LRP5: variants seen among roughly 807,000 people sequenced by gnomAD.
The protein encoded by LRP5 is low-density lipoprotein receptor-related protein 5.
Under a neutral mutation model 154.1 loss-of-function variants are expected in LRP5, and 62 were observed. The observed-to-expected ratio is 0.40, with a 90% CI of 0.33 to 0.50. The LOEUF (loss-of-function observed/expected upper bound fraction) is 0.50. Among genes scored for constraint, LRP5 ranks in the 20% least tolerant of loss-of-function variants. The pLI is 0.55. For synonymous variants in LRP5, 966 were observed against 1,011.5 expected, an observed-to-expected ratio of 0.96 and a Z score of 0.85; for missense variants, 1,915 against 2,336.7, an observed-to-expected ratio of 0.82 and a Z score of 3.72.
At position 68,413,391 on chromosome 11, in the gene LRP5, A is replaced by T. The variant is rs1489651738; in HGVS notation, c.2504-298A>T. 6.6e-6 allele frequency among the ~76,000 whole-genome samples: 1 copy of T among 152,132 alleles called. No homozygotes were observed. Among genetic ancestry groups the T allele is most frequent in the African/African-American group, 2.4e-5 (1 of 41,430 alleles). On this transcript the variant is annotated intron_variant, in intron 11 of 22. Transcript: ENST00000294304. This position sits in a 1 kb window ranked among gnomAD's most constrained non-coding sequence, Gnocchi z 5.1. ...GCCTGGTCTCATTGCTGTGGGAGTG[A>T]AGGATGCACAGCCAGGCCTGACATG...
rs1467209020 is a variant in LRP5, at chr11:68,423,709, ACGGG to A, written c.3236+13_3236+16del. On this transcript the variant is annotated intron_variant, in intron 14 of 22. Transcript: ENST00000294304. This position sits in a 1 kb window ranked among gnomAD's most constrained non-coding sequence, Gnocchi z 4.7. ...AACGCGGAGCGAGGGTAGGAGGCCA[ACGGG>A]TGGGTGGGGGTGCTGCCCGTCCAGG... 6.2e-7 allele frequency: 1 copy of A among 1,602,150 alleles called. No individual in the cohort carries two copies. Among genetic ancestry groups the A allele is most frequent in the African/African-American group, 1.3e-5 (1 of 74,394 alleles).
At chr11:68,421,783 TGTGTGTGTGTGGG>T (rs112058629) in intron 13 of LRP5, among the ~76,000 whole-genome samples, 16,162 of 130,732 alleles carry the variant, frequency 0.12, 1,458 homozygotes, top group African/African-American at 0.28. Flanking sequence ...CATCTGGGGG[TGTGTGTGTGTGGG>T]GTGTGTGTGT....
At chr11:68,315,694 G>A (rs2098592828) in intron 1 of LRP5, among the ~76,000 whole-genome samples, 1 of 152,264 alleles carries the variant, frequency 6.6e-6, no homozygotes, top group Non-Finnish European at 1.5e-5. Flanking sequence ...GCCCCTGCGG[G>A]CAGAGCTTCC....
At chr11:68,430,996 C>T (rs371096779) in intron 17 of LRP5, among the ~76,000 whole-genome samples, 46 of 152,286 alleles carry the variant, frequency 3.0e-4, no homozygotes, top group African/African-American at 8.7e-4. Flanking sequence ...GACCCTGACA[C>T]GTGATGCACA....
intron 5 of LRP5, among the ~76,000 whole-genome samples, chr11:68,374,530 G>T (rs2098636273): frequency 6.6e-6 from 1 of 152,082 alleles, no homozygotes; most frequent in Admixed American, 6.6e-5. Flanking sequence ...TTTTAATTGA[G>T]GTATAACTTG....
Position 68,351,831 on chromosome 11 carries a change from G to A in LRP5, c.488+3588G>A, listed in dbSNP as rs185999985. On this transcript the variant is annotated intron_variant, in intron 2 of 22. Transcript: ENST00000294304. ...GCTTCCGTCGGAGCTCAGGTGCTGG[G>A]AAGGCCTCTTGGTGACTTTTGAGTC... Among the ~76,000 whole-genome samples the A allele has an allele frequency of 2.7e-4, 41 of 152,328 alleles. No individual in the cohort carries two copies. The East Asian group carries it at 7.7e-3, about 29-fold the overall frequency.
At chr11:68,446,249 C>T (rs1949298102) in intron 21 of LRP5, among the ~76,000 whole-genome samples, 187 bp from the exon 22 acceptor site, 2 of 152,224 alleles carry the variant, frequency 1.3e-5, no homozygotes, top group Non-Finnish European at 2.9e-5. Flanking sequence ...ACTGAGATGA[C>T]CTTCGGGGCA....
Position 68,398,686 on chromosome 11 carries a change from A to C in LRP5, c.1585-4797A>C, listed in dbSNP as rs148475843. Among the ~76,000 whole-genome samples the C allele has an allele frequency of 4.5e-4, 68 of 152,152 alleles. No individual in the cohort carries two copies. In the East Asian group the frequency reaches 0.012, roughly 26 times the overall value. On this transcript the variant is annotated intron_variant, in intron 7 of 22. Coordinates refer to ENST00000294304, the MANE Select transcript of LRP5 (RefSeq NM_002335.4). ...CAAAGGAGGTTTCATGACCCATGAAAATTATATGGAATTCAAAAAAAAAAA... is the reference window on the plus strand; with the variant it reads ...CAAAGGAGGTTTCATGACCCATGAACATTATATGGAATTCAAAAAAAAAAA...
chr11:68,346,782 G>A (rs1307005184), intron 1 of LRP5, among the ~76,000 whole-genome samples: 1 of 152,226 alleles, frequency 6.6e-6, no homozygotes, highest in Non-Finnish European at 1.5e-5. Context: ...GACTGATGGA[G>A]CTCCCTGGAG....
the LRP5 span, among the ~76,000 whole-genome samples, chr11:68,302,905 G>T: frequency 6.6e-6 from 1 of 152,188 alleles, no homozygotes; most frequent in Non-Finnish European, 1.5e-5. Context: ...ACAAGAGCCT[G>T]TGAGGGATGA....
In LRP5 at chr11:68,312,785, G is replaced by A. The variant is rs2098589368; in HGVS notation, c.71G>A (p.Gly24Asp). The A allele has an allele frequency of 9.2e-7, 1 of 1,084,112 alleles. No individual in the cohort carries two copies. Among genetic ancestry groups the A allele is most frequent in the Non-Finnish European group, 1.1e-6 (1 of 889,006 alleles). The allele number at this position is 1,084,112 out of a possible 1,614,324, so 67.2% of individuals were successfully genotyped here. Residue 24 changes from glycine (G) to aspartate (D), a missense_variant, in exon 1 of 23, where the codon GGC becomes GAC. By Grantham distance (94) the Gly-to-Asp change is moderately conservative (BLOSUM62 -1). Coordinates refer to ENST00000294304, the MANE Select transcript of LRP5 (RefSeq NM_002335.4). ...CTGCTGCTGCTGCTGGCGCTGTGCGGCTGCCCGGCCCCCGCCGCGGGTAGG... is the reference window on the plus strand; with the variant it reads ...CTGCTGCTGCTGCTGGCGCTGTGCGACTGCCCGGCCCCCGCCGCGGGTAGG... ...LLLLLLLALC[G>D]CPAPAAASPL...
chr11:68,313,276 T>C (rs1232846753), intron 1 of LRP5, among the ~76,000 whole-genome samples: 2 of 151,476 alleles, frequency 1.3e-5, no homozygotes, highest in Non-Finnish European at 1.5e-5. Flanking sequence ...GCGAGAAAGT[T>C]CTGAGCCCGG....
intron 1 of LRP5, among the ~76,000 whole-genome samples, chr11:68,345,333 G>T (rs1000057974): frequency 6.6e-6 from 1 of 152,114 alleles, no homozygotes. Context: ...TGTCACCCAG[G>T]CTGGAATGCA....
At chr11:68,403,870 G>T in intron 8 of LRP5, 171 bp downstream of exon 8, 1 of 707,024 alleles carries the variant, frequency 1.4e-6, no homozygotes, top group Non-Finnish European at 2.4e-6. Flanking sequence ...GGGACCAAGG[G>T]AGCTGATTAG....
intron 11 of LRP5, chr11:68,412,826 C>T (rs79409498): frequency 0.057 from 8,848 of 155,038 alleles, 378 homozygotes; most frequent in Non-Finnish European, 0.081. Context: ...CCATGTCGAA[C>T]CGCTCAGGAA....
chr11:68,305,479 G>A, the LRP5 span, among the ~76,000 whole-genome samples: 1 of 152,036 alleles, frequency 6.6e-6, no homozygotes, highest in Non-Finnish European at 1.5e-5. Context: ...TTTCTCTCTT[G>A]TCTCCCAGGC....
chr11:68,313,411 A>G (rs1419331932), intron 1 of LRP5, among the ~76,000 whole-genome samples: 3 of 152,044 alleles, frequency 2.0e-5, no homozygotes, highest in Non-Finnish European at 2.9e-5. Flanking sequence ...GGGTCCCCAG[A>G]TAGTGTCCAT....
chr11:68,375,982 T>G (rs1046194283), intron 5 of LRP5, among the ~76,000 whole-genome samples: 3 of 152,116 alleles, frequency 2.0e-5, no homozygotes, highest in African/African-American at 7.2e-5. Flanking sequence ...CCATCTTCTG[T>G]CAGTTGGGGC....
At chr11:68,422,954 A>G (rs1411846435) in intron 13 of LRP5, among the ~76,000 whole-genome samples, 2 of 151,234 alleles carry the variant, frequency 1.3e-5, no homozygotes, top group Non-Finnish European at 2.9e-5. Context: ...AAGGGGTTGT[A>G]AGGGGCGGCC....
Sources: allele counts gnomAD v4.1 joint callset (sites outside exome capture counted in the v4.1 genomes callset), GRCh38; gene constraint gnomAD v4.1.1; non-coding constraint Gnocchi (gnomAD v3.1); transcripts MANE v1.5; gene names NCBI Gene and HGNC (gene_info 2026-07-23, HGNC 2026-07-21).